Variants in SSBP3 observed in about 807,000 individuals in gnomAD.
SSBP3 encodes the protein single stranded DNA binding protein 3, also known as single-stranded DNA-binding protein 3.
SSBP3 carries 5 observed loss-of-function variants against 69.6 expected under a neutral mutation model. The ratio of observed to expected loss-of-function variants is 0.07; its 90% CI spans 0.04 to 0.15. The LOEUF (loss-of-function observed/expected upper bound fraction) is 0.15, where lower values mean the gene tolerates loss of function less well. Among genes scored for constraint, SSBP3 ranks in the 10% least tolerant of loss-of-function variants. The pLI, the probability that SSBP3 is intolerant of heterozygous loss-of-function variation, is 1.00. For synonymous variants in SSBP3, 196 were observed against 193.4 expected (o/e 1.01, Z -0.11); for missense variants, 312 against 534.0 (o/e 0.58, Z 4.10).
chr1:54,330,182 G>A (rs762254094), intron 4 of SSBP3, among the ~76,000 whole-genome samples: 14 of 152,104 alleles, frequency 9.2e-5, no homozygotes, highest in Non-Finnish European at 1.5e-4. Context: ...ATCAACCTGA[G>A]CCAGAAGGAA....
chr1:54,346,062 C>T lies in SSBP3; in HGVS notation c.276+55799G>A, dbSNP rs553118120. Among the ~76,000 whole-genome samples the T allele has an allele frequency of 5.3e-5, 8 of 151,808 alleles. No individual in the cohort carries two copies. In the East Asian group the frequency reaches 1.5e-3, roughly 29 times the overall value. On this transcript the variant is annotated intron_variant, in intron 4 of 17. Coordinates refer to ENST00000610401, the Ensembl canonical transcript of SSBP3. ...CCTGTACTCCCATCTACTCAGGAGG[C>T]TGAGACAGGAGAATCGCTTGAACTC...
intron 4 of SSBP3, among the ~76,000 whole-genome samples, chr1:54,342,775 G>A (rs897283650): frequency 3.3e-5 from 5 of 152,060 alleles, no homozygotes; most frequent in Non-Finnish European, 7.4e-5. Context: ...GAGGTCATGC[G>A]GAAAGGCACC....
chr1:54,285,992 T>TAA (rs1190545531), intron 4 of SSBP3, among the ~76,000 whole-genome samples: 1 of 152,110 alleles, frequency 6.6e-6, no homozygotes, highest in Admixed American at 6.5e-5. Flanking sequence ...TCTCCCCAGC[T>TAA]AAGTCTACAC....
intron 4 of SSBP3, chr1:54,326,243 G>C (rs1041104597): frequency 2.0e-5 from 3 of 152,384 alleles, no homozygotes; most frequent in African/African-American, 7.2e-5. Flanking sequence ...GCAACAAGAG[G>C]GGGAGGCAGA....
intron 4 of SSBP3, among the ~76,000 whole-genome samples, chr1:54,332,038 A>G (rs573873734): frequency 6.6e-6 from 1 of 152,288 alleles, no homozygotes; most frequent in Admixed American, 6.5e-5. Context: ...GAATCATCTT[A>G]TCTCCCAGAT....
At chr1:54,289,031 AAAAAACAAAAAAAC>A (rs1386197420) in intron 4 of SSBP3, among the ~76,000 whole-genome samples, 17,651 of 85,180 alleles carry the variant, frequency 0.21, 1,729 homozygotes, top group Non-Finnish European at 0.25. Context: ...AAAAAAAAAA[AAAAAACAAAAAAAC>A]AAAAAAAAAA....
intron 7 of SSBP3, among the ~76,000 whole-genome samples, chr1:54,253,407 G>GT (rs1006116193): frequency 6.6e-6 from 1 of 151,876 alleles, no homozygotes; most frequent in Non-Finnish European, 1.5e-5. Context: ...GCCTGGGCTC[G>GT]TATCAAACTC....
chr1:54,354,004 A>T (rs1646824092), intron 4 of SSBP3, among the ~76,000 whole-genome samples: 1 of 152,208 alleles, frequency 6.6e-6, no homozygotes, highest in Non-Finnish European at 1.5e-5. Flanking sequence ...CTGGACCCAG[A>T]TCCAGGGCTG....
chr1:54,335,879 AG>A (rs1231711870), intron 4 of SSBP3: 1 of 152,516 alleles, frequency 6.6e-6, no homozygotes, highest in Admixed American at 6.5e-5. Flanking sequence ...AGGCAGGAAA[AG>A]GAAGTAGCTG....
At chr1:54,276,002 G>A (rs752557880) in intron 5 of SSBP3, among the ~76,000 whole-genome samples, 15 of 152,052 alleles carry the variant, frequency 9.9e-5, no homozygotes, top group South Asian at 6.2e-4. Context: ...GCTCTTTCTC[G>A]TTCTCTCCCC....
At chr1:54,305,383 T>C (rs1645880574) in intron 4 of SSBP3, among the ~76,000 whole-genome samples, 1 of 152,224 alleles carries the variant, frequency 6.6e-6, no homozygotes, top group Non-Finnish European at 1.5e-5. Flanking sequence ...CCATTTTCTA[T>C]GATGAGACAT....
At chr1:54,407,449 A>C (rs1649856816), upstream of SSBP3, among the ~76,000 whole-genome samples, 1 of 146,492 alleles carries the variant, frequency 6.8e-6, no homozygotes, top group Non-Finnish European at 1.5e-5. Context: ...TGGGAAATTG[A>C]GGGGGGGGCT....
intron 7 of SSBP3, among the ~76,000 whole-genome samples, chr1:54,252,887 T>A (rs535191121): frequency 6.6e-6 from 1 of 152,196 alleles, no homozygotes; most frequent in Admixed American, 6.5e-5. Context: ...TCAGTGCTGA[T>A]CAAAGGCTGG....
chr1:54,394,746 A>AT (rs1478622946), intron 4 of SSBP3, among the ~76,000 whole-genome samples: 1 of 118,442 alleles, frequency 8.4e-6, no homozygotes, highest in African/African-American at 3.4e-5. Context: ...TCTGTCCCCC[A>AT]TGCTGGAGTG....
At chr1:54,340,735 G>A (rs940956300) in intron 4 of SSBP3, among the ~76,000 whole-genome samples, 1 of 152,148 alleles carries the variant, frequency 6.6e-6, no homozygotes, top group Non-Finnish European at 1.5e-5. Context: ...AGACAGAAAC[G>A]ACGTAAAACA....
intron 14 of SSBP3, among the ~76,000 whole-genome samples, chr1:54,232,693 C>A (rs940282940): frequency 1.3e-5 from 2 of 151,836 alleles, no homozygotes; most frequent in Non-Finnish European, 2.9e-5. Context: ...AACCTCCCTG[C>A]CTGATTCTCC....
chr1:54,305,637 G>C (rs60794993), intron 4 of SSBP3, among the ~76,000 whole-genome samples: 1 of 139,082 alleles, frequency 7.2e-6, no homozygotes, highest in Non-Finnish European at 1.5e-5. Flanking sequence ...AAAAAAAAGA[G>C]AGAGAGAGAG....
At chr1:54,404,176 AAAGG>A (rs755617751) in intron 3 of SSBP3, among the ~76,000 whole-genome samples, 208 of 152,266 alleles carry the variant, frequency 1.4e-3, no homozygotes, top group Non-Finnish European at 2.5e-3. Context: ...CCGAGGAGAA[AAAGG>A]AAGGGACAGG....
chr1:54,379,034 G>A (rs909951949), intron 4 of SSBP3, among the ~76,000 whole-genome samples: 4 of 150,424 alleles, frequency 2.7e-5, no homozygotes, highest in Admixed American at 1.3e-4. Flanking sequence ...CCAGGTCCCC[G>A]CCCCAACCCA....
Sources: gnomAD v4.1 joint callset for allele counts (sites outside exome capture counted in the v4.1 genomes callset) on GRCh38, gnomAD v4.1.1 for gene constraint, MANE v1.5 for transcripts, NCBI Gene and HGNC (gene_info 2026-07-23, HGNC 2026-07-21) for gene names.